Variants in KLF12 observed in about 807,000 individuals in gnomAD.
The protein encoded by KLF12 is KLF transcription factor 12, also known as Krueppel-like factor 12.
In KLF12, 9 loss-of-function variants were observed where a neutral mutation model predicts 37.8. The observed-to-expected ratio is 0.24, with a 90% CI of 0.14 to 0.42. KLF12 has a LOEUF of 0.42. Ranked by LOEUF, KLF12 falls within the 10% of genes least tolerant of loss-of-function variation. The pLI, the probability that KLF12 is intolerant of heterozygous loss-of-function variation, is 1.00. For synonymous variants in KLF12, 208 were observed against 202.1 expected (o/e 1.03, Z -0.25); for missense variants, 411 against 516.0 (o/e 0.80, Z 1.97).
chr13:73,920,614 C>T (rs1258190369), intron 3 of KLF12, among the ~76,000 whole-genome samples: 1 of 152,118 alleles, frequency 6.6e-6, no homozygotes, highest in Non-Finnish European at 1.5e-5. Context: ...CTTAGTTCCC[C>T]CATTCCCATC....
intron 4 of KLF12, among the ~76,000 whole-genome samples, chr13:73,818,168 T>C (rs1258733379): frequency 6.6e-6 from 1 of 152,272 alleles, no homozygotes; most frequent in Non-Finnish European, 1.5e-5. Flanking sequence ...TATTTTCAGA[T>C]GGAGTCTTAC....
chr13:73,871,900 C>T (rs1327290771), intron 3 of KLF12, among the ~76,000 whole-genome samples: 1 of 152,174 alleles, frequency 6.6e-6, no homozygotes, highest in Non-Finnish European at 1.5e-5. Context: ...TTTCGAATGA[C>T]ATTCAATAAA....
chr13:73,862,655 TCAA>T (rs1353607588), intron 3 of KLF12, among the ~76,000 whole-genome samples: 2 of 152,194 alleles, frequency 1.3e-5, no homozygotes, highest in Non-Finnish European at 2.9e-5. Flanking sequence ...TTCACAGATT[TCAA>T]CAACATATCT....
intron 5 of KLF12, among the ~76,000 whole-genome samples, chr13:73,787,524 TCTCTG>T (rs1407837156): frequency 6.6e-6 from 1 of 152,218 alleles, no homozygotes; most frequent in Non-Finnish European, 1.5e-5. Flanking sequence ...TGTGCCATGT[TCTCTG>T]CTAAGCACAT....
At chr13:73,810,851 G>T (rs1364927843) in intron 5 of KLF12, among the ~76,000 whole-genome samples, 1 of 152,008 alleles carries the variant, frequency 6.6e-6, no homozygotes, top group East Asian at 1.9e-4. Flanking sequence ...GTGAGTCAGG[G>T]ATTAGGAAGA....
intron 2 of KLF12, among the ~76,000 whole-genome samples, chr13:73,961,614 T>C (rs1473398339): frequency 6.6e-6 from 1 of 152,170 alleles, no homozygotes; most frequent in Non-Finnish European, 1.5e-5. Flanking sequence ...AGGGGGCTCC[T>C]GACATGTGTA....
chr13:73,828,541 C>G (rs80268166), intron 4 of KLF12, among the ~76,000 whole-genome samples: 3,168 of 152,268 alleles, frequency 0.021, 66 homozygotes, highest in African/African-American at 0.056. Context: ...AACTGGCCAA[C>G]AAATTCTATC....
At chr13:73,954,638 T>C (rs1435282503) in intron 2 of KLF12, among the ~76,000 whole-genome samples, 1 of 152,160 alleles carries the variant, frequency 6.6e-6, no homozygotes, top group Non-Finnish European at 1.5e-5. Context: ...AGAATGGCCA[T>C]GCCTTTCCTC....
chr13:73,755,396 T>C (rs1293693475), intron 6 of KLF12, among the ~76,000 whole-genome samples: 1 of 152,184 alleles, frequency 6.6e-6, no homozygotes, highest in Non-Finnish European at 1.5e-5. Flanking sequence ...TACATATTTA[T>C]GTAATGTATT....
chr13:73,877,427 A>C (rs1398892695), intron 3 of KLF12, among the ~76,000 whole-genome samples: 5 of 152,152 alleles, frequency 3.3e-5, no homozygotes. Flanking sequence ...AATGCTTTAG[A>C]ATTTCCTTTT....
chr13:74,228,901 G>T, the KLF12 span, among the ~76,000 whole-genome samples: 2 of 150,668 alleles, frequency 1.3e-5, no homozygotes, highest in African/African-American at 4.9e-5. Flanking sequence ...CCAGAAAAAT[G>T]AAGGAAATCA....
intron 5 of KLF12, among the ~76,000 whole-genome samples, chr13:73,775,277 GC>G (rs1256875018): frequency 9.9e-5 from 15 of 152,074 alleles, no homozygotes; most frequent in African/African-American, 3.6e-4. Context: ...ATGGTTTTCT[GC>G]ATGAACTGAG....
At chr13:74,058,961 C>T (rs1195302258) in intron 1 of KLF12, among the ~76,000 whole-genome samples, 1 of 152,216 alleles carries the variant, frequency 6.6e-6, no homozygotes, top group Non-Finnish European at 1.5e-5. Flanking sequence ...AATCTCCTGC[C>T]TTTTGGAGTC....
chr13:73,891,359 A>C (rs1014753355), intron 3 of KLF12, among the ~76,000 whole-genome samples: 7 of 152,166 alleles, frequency 4.6e-5, no homozygotes, highest in Non-Finnish European at 1.0e-4. Flanking sequence ...CCACTTGTTT[A>C]GAATGACCCA....
At chr13:74,058,335 T>C (rs1873370486) in intron 1 of KLF12, among the ~76,000 whole-genome samples, 1 of 147,122 alleles carries the variant, frequency 6.8e-6, no homozygotes, top group South Asian at 2.2e-4. Context: ...TGTGAAGGAA[T>C]TTATCTCATA....
rs77206953 is a variant in KLF12, at chr13:73,841,099, T to C, written c.670+4728A>G. 5.3e-3 allele frequency among the ~76,000 whole-genome samples: 813 copies of C among 152,310 alleles called. 2 individuals carry two copies. Among genetic ancestry groups the C allele is most frequent in the African/African-American group, 0.018 (745 of 41,572 alleles). On this transcript the variant is annotated intron_variant, in intron 4 of 7. Transcript: ENST00000377669. ...TGTAGCATCTGATACACATGAACTGTCACTGCTACTAGAATGTAAGGTCCC... is the reference window on the plus strand; with the variant it reads ...TGTAGCATCTGATACACATGAACTGCCACTGCTACTAGAATGTAAGGTCCC...
chr13:74,154,391 A>T, the KLF12 span, among the ~76,000 whole-genome samples: 1 of 152,254 alleles, frequency 6.6e-6, no homozygotes, highest in Non-Finnish European at 1.5e-5. Flanking sequence ...TTACAAAATT[A>T]TAGTAGCTAC....
chr13:74,048,989 C>A (rs1893617263), intron 1 of KLF12, among the ~76,000 whole-genome samples: 1 of 152,196 alleles, frequency 6.6e-6, no homozygotes, highest in Non-Finnish European at 1.5e-5. Context: ...GAATCTGGGA[C>A]ACTCTCAGCT....
chr13:74,062,825 C>G (rs924015755), intron 1 of KLF12, among the ~76,000 whole-genome samples: 3 of 152,198 alleles, frequency 2.0e-5, no homozygotes, highest in African/African-American at 7.2e-5. Context: ...TCATCTCCAG[C>G]TTTTCACCAT....
Sources: gnomAD v4.1 joint callset for allele counts (sites outside exome capture counted in the v4.1 genomes callset) on GRCh38, gnomAD v4.1.1 for gene constraint, MANE v1.5 for transcripts, NCBI Gene and HGNC (gene_info 2026-07-23, HGNC 2026-07-21) for gene names.